NCOA2: variants seen among roughly 807,000 people sequenced by gnomAD.
The protein encoded by NCOA2 is class E basic helix-loop-helix protein 75.
In NCOA2, 21 loss-of-function variants were observed where a neutral mutation model predicts 145.1. The observed-to-expected ratio is 0.14, with a 90% CI of 0.10 to 0.21. The LOEUF is 0.21. Ranked by LOEUF, NCOA2 falls within the 10% of genes least tolerant of loss-of-function variation. The pLI is 1.00. For missense variants in NCOA2, 1,472 were observed against 1,837.6 expected (o/e 0.80, Z 3.64); for synonymous variants, 619 against 637.5 (o/e 0.97, Z 0.44).
intron 10 of NCOA2, 46 bp downstream of exon 10, chr8:70,159,456 TCTC>T (rs764503224): frequency 1.0e-5 from 15 of 1,471,780 alleles, no homozygotes; most frequent in Admixed American, 3.7e-5. Flanking sequence ...TTTTGTAATA[TCTC>T]CTCTTAACTT....
chr8:70,249,977 A>AAAAAAAAAAAGAAG (rs751876043), intron 2 of NCOA2, among the ~76,000 whole-genome samples: 7 of 137,900 alleles, frequency 5.1e-5, no homozygotes, highest in Non-Finnish European at 9.3e-5. Context: ...AAAAAAAAAA[A>AAAAAAAAAAAGAAG]AAGAAGAAGA....
At chr8:70,371,284 G>A (rs1811193345) in intron 1 of NCOA2, among the ~76,000 whole-genome samples, 2 of 151,922 alleles carry the variant, frequency 1.3e-5, no homozygotes, top group Non-Finnish European at 2.9e-5. Context: ...GTGAGACTCA[G>A]TCTCAAATAA....
At chr8:70,211,695 T>A (rs1819047143) in intron 4 of NCOA2, among the ~76,000 whole-genome samples, 1 of 152,224 alleles carries the variant, frequency 6.6e-6, no homozygotes, top group Non-Finnish European at 1.5e-5. Context: ...ACCTAGCTCC[T>A]GTCTGATTCA....
intron 4 of NCOA2, among the ~76,000 whole-genome samples, chr8:70,210,333 A>G (rs1818881197): frequency 6.6e-6 from 1 of 152,212 alleles, no homozygotes; most frequent in Admixed American, 6.5e-5. Flanking sequence ...CCAACAGAAG[A>G]TCTAACTTAA....
the NCOA2 span, among the ~76,000 whole-genome samples, chr8:70,429,484 T>C: frequency 6.6e-6 from 1 of 152,242 alleles, no homozygotes; most frequent in Non-Finnish European, 1.5e-5. Context: ...CATCCTTTCT[T>C]GCTTGCTACT....
At chr8:70,130,209 T>C (rs922327818) in intron 16 of NCOA2, among the ~76,000 whole-genome samples, 2 of 152,202 alleles carry the variant, frequency 1.3e-5, no homozygotes, top group Admixed American at 6.5e-5. Flanking sequence ...CTCAGAACTT[T>C]AACATGAATA....
At chr8:70,370,606 A>C (rs1375555191) in intron 1 of NCOA2, among the ~76,000 whole-genome samples, 1 of 152,198 alleles carries the variant, frequency 6.6e-6, no homozygotes, top group Non-Finnish European at 1.5e-5. Flanking sequence ...ATATGCCATA[A>C]GATCAACTCT....
intron 1 of NCOA2, among the ~76,000 whole-genome samples, chr8:70,331,019 G>A (rs1807048970): frequency 1.3e-5 from 2 of 149,052 alleles, no homozygotes; most frequent in South Asian, 2.3e-4. Flanking sequence ...ACTTACTTAA[G>A]AACAGTCAGT....
chr8:70,443,223 T>TA, the NCOA2 span, among the ~76,000 whole-genome samples: 1 of 106 alleles, frequency 9.4e-3, no homozygotes, highest in Non-Finnish European at 0.018. Flanking sequence ...AAAAATTAGC[T>TA]GGGTGGTGGG....
At chr8:70,353,507 C>A (rs1023569935) in intron 1 of NCOA2, among the ~76,000 whole-genome samples, 1 of 147,588 alleles carries the variant, frequency 6.8e-6, no homozygotes, top group Non-Finnish European at 1.5e-5. Flanking sequence ...ACAGAAGAGA[C>A]CTTAGAAATC....
the NCOA2 span, among the ~76,000 whole-genome samples, chr8:70,423,234 A>G: frequency 6.6e-6 from 1 of 152,050 alleles, no homozygotes; most frequent in Non-Finnish European, 1.5e-5. Context: ...CTCAGGCTGT[A>G]GTGCAATGGC....
the NCOA2 span, among the ~76,000 whole-genome samples, chr8:70,428,905 G>C: frequency 0.14 from 20,566 of 151,656 alleles, 1,648 homozygotes; most frequent in East Asian, 0.32. Flanking sequence ...ATCACTTCAT[G>C]TCAGCTACTT....
At chr8:70,454,153 A>G in the NCOA2 span, among the ~76,000 whole-genome samples, 1 of 152,204 alleles carries the variant, frequency 6.6e-6, no homozygotes, top group Non-Finnish European at 1.5e-5. Context: ...CTAACTCCAA[A>G]TTGGATAGCC....
chr8:70,340,619 A>C (rs1038055890), intron 1 of NCOA2, among the ~76,000 whole-genome samples: 2 of 152,202 alleles, frequency 1.3e-5, no homozygotes, highest in African/African-American at 4.8e-5. Flanking sequence ...AATATAAATC[A>C]TTCTATTATA....
chr8:70,381,786 T>G (rs1450855130), intron 1 of NCOA2, among the ~76,000 whole-genome samples: 1 of 152,192 alleles, frequency 6.6e-6, no homozygotes, highest in Non-Finnish European at 1.5e-5. Flanking sequence ...GAAGCTCTCA[T>G]GTAAAATCTG....
chr8:70,296,258 A>T (rs1251370096), intron 2 of NCOA2, among the ~76,000 whole-genome samples: 1 of 152,192 alleles, frequency 6.6e-6, no homozygotes, highest in East Asian at 1.9e-4. Flanking sequence ...TTGAGAAGCT[A>T]TTTTACACAG....
chr8:70,384,373 C>T (rs1179097551), intron 1 of NCOA2, among the ~76,000 whole-genome samples: 1 of 151,982 alleles, frequency 6.6e-6, no homozygotes. Context: ...ACAGTCTGAA[C>T]TAGTCAAAAA....
At chr8:70,331,914 A>C (rs1807142003) in intron 1 of NCOA2, among the ~76,000 whole-genome samples, 1 of 152,180 alleles carries the variant, frequency 6.6e-6, no homozygotes, top group Non-Finnish European at 1.5e-5. Flanking sequence ...ACATCATGAC[A>C]TGAATAGAGA....
chr8:70,269,040 G>C (rs948044950), intron 2 of NCOA2, among the ~76,000 whole-genome samples: 1 of 152,042 alleles, frequency 6.6e-6, no homozygotes, highest in African/African-American at 2.4e-5. Context: ...AAAGTGAAGG[G>C]GGGGAGGACA....
Sources: allele counts gnomAD v4.1 joint callset (sites outside exome capture counted in the v4.1 genomes callset), GRCh38; gene constraint gnomAD v4.1.1; transcripts MANE v1.5; gene names NCBI Gene and HGNC (gene_info 2026-07-23, HGNC 2026-07-21).